Variants in CSMD3 observed in about 807,000 individuals in gnomAD.
CSMD3 encodes CUB and sushi domain-containing protein 3.
In CSMD3, 177 loss-of-function variants were observed where a neutral mutation model predicts 435.2. That is an observed-to-expected ratio of 0.41 (90% confidence interval 0.36 to 0.46). CSMD3 has a LOEUF of 0.46. CSMD3 is among the 20% of genes least tolerant of loss of function. The pLI, the probability that CSMD3 is intolerant of heterozygous loss-of-function variation, is 0.34. For synonymous variants in CSMD3, 1,656 were observed against 1,520.5 expected (o/e 1.09, Z -2.07); for missense variants, 4,265 against 4,504.6 (o/e 0.95, Z 1.52).
chr8:112,410,835 C>A (rs1238162128), intron 32 of CSMD3, among the ~76,000 whole-genome samples: 1 of 148,636 alleles, frequency 6.7e-6, no homozygotes, highest in South Asian at 2.1e-4. Flanking sequence ...CATTGCCTTA[C>A]AAAGTAGCCG....
At chr8:113,224,306 T>C (rs539082078) in intron 3 of CSMD3, among the ~76,000 whole-genome samples, 128 of 151,338 alleles carry the variant, frequency 8.5e-4, no homozygotes, top group African/African-American at 2.9e-3. Context: ...CTCCTGTCTC[T>C]ATTTTGCTTC....
intron 6 of CSMD3, among the ~76,000 whole-genome samples, chr8:112,988,954 T>C (rs1464949510): frequency 6.6e-6 from 1 of 152,048 alleles, no homozygotes; most frequent in Non-Finnish European, 1.5e-5. Flanking sequence ...ATAAGTTGAT[T>C]TAAGTAATTC....
intron 47 of CSMD3, among the ~76,000 whole-genome samples, chr8:112,316,308 G>A (rs1336366808): frequency 1.3e-5 from 2 of 151,362 alleles, no homozygotes; most frequent in African/African-American, 4.8e-5. Context: ...TTGCATAAAT[G>A]GTATCAGGTC....
intron 47 of CSMD3, among the ~76,000 whole-genome samples, chr8:112,316,613 T>C (rs1391936212): frequency 2.0e-5 from 3 of 151,796 alleles, no homozygotes; most frequent in Admixed American, 2.0e-4. Flanking sequence ...TGTTAGGCAC[T>C]GTTAAACACC....
chr8:112,424,244 T>C (rs763158602), intron 32 of CSMD3, among the ~76,000 whole-genome samples: 42 of 152,148 alleles, frequency 2.8e-4, no homozygotes, highest in Non-Finnish European at 5.4e-4. Context: ...TAAGATATGA[T>C]TGCAAAAAAC....
intron 42 of CSMD3, among the ~76,000 whole-genome samples, chr8:112,340,480 G>C (rs1301014537): frequency 6.6e-6 from 1 of 151,996 alleles, no homozygotes; most frequent in Non-Finnish European, 1.5e-5. Flanking sequence ...TATTTATTGT[G>C]CTTACTGCTC....
At chr8:112,282,363 A>C (rs1818740206) in intron 58 of CSMD3, among the ~76,000 whole-genome samples, 2 of 152,054 alleles carry the variant, frequency 1.3e-5, no homozygotes, top group East Asian at 3.9e-4. Context: ...GATAAAACAG[A>C]CATTTTTACT....
chr8:112,338,274 C>T (rs1195184103), intron 42 of CSMD3, among the ~76,000 whole-genome samples: 1 of 152,010 alleles, frequency 6.6e-6, no homozygotes, highest in Non-Finnish European at 1.5e-5. Context: ...GAACTTTGTA[C>T]TTCAGTTATG....
intron 63 of CSMD3, among the ~76,000 whole-genome samples, chr8:112,247,736 G>C (rs1357192530): frequency 6.6e-6 from 1 of 152,016 alleles, no homozygotes; most frequent in African/African-American, 2.4e-5. Flanking sequence ...ATGTCTCCTA[G>C]GAATTTGTTA....
At chr8:112,302,490 C>T (rs542768236) in intron 52 of CSMD3, among the ~76,000 whole-genome samples, 1 of 152,128 alleles carries the variant, frequency 6.6e-6, no homozygotes, top group South Asian at 2.1e-4. Flanking sequence ...TATAATTCAT[C>T]TGTTTTTTCT....
intron 35 of CSMD3, among the ~76,000 whole-genome samples, chr8:112,392,892 C>G (rs1830559066): frequency 8.0e-6 from 1 of 125,776 alleles, no homozygotes; most frequent in African/African-American, 3.2e-5. Flanking sequence ...TTGAAACAAG[C>G]TCTGGCTTTG....
At chr8:112,405,044 G>T (rs28661390) in intron 35 of CSMD3, among the ~76,000 whole-genome samples, 1 of 149,428 alleles carries the variant, frequency 6.7e-6, no homozygotes, top group East Asian at 2.0e-4. Context: ...AAAATTAGCT[G>T]GGCATGGTAG....
intron 32 of CSMD3, among the ~76,000 whole-genome samples, chr8:112,413,315 A>G (rs1811553804): frequency 6.6e-6 from 1 of 152,190 alleles, no homozygotes; most frequent in African/African-American, 2.4e-5. Context: ...TAAGATTGAG[A>G]GGTAGGGTTC....
intron 5 of CSMD3, among the ~76,000 whole-genome samples, chr8:113,070,847 T>C (rs988253193): frequency 1.3e-5 from 2 of 152,070 alleles, no homozygotes; most frequent in Admixed American, 6.6e-5. Flanking sequence ...AGATGTGAGA[T>C]TGCTGGATCA....
intron 4 of CSMD3, among the ~76,000 whole-genome samples, chr8:113,127,214 A>C (rs2091159156): frequency 6.6e-6 from 1 of 152,060 alleles, no homozygotes; most frequent in Non-Finnish European, 1.5e-5. Context: ...ATTGCGAATG[A>C]AGAATAATTC....
chr8:113,226,564 G>C (rs2093031367), intron 3 of CSMD3, among the ~76,000 whole-genome samples: 1 of 151,470 alleles, frequency 6.6e-6, no homozygotes, highest in Non-Finnish European at 1.5e-5. Context: ...TGAATGACTT[G>C]TCCAGCCAGT....
chr8:112,441,865 A>T (rs1815060932), intron 32 of CSMD3, among the ~76,000 whole-genome samples: 1 of 152,184 alleles, frequency 6.6e-6, no homozygotes, highest in African/African-American at 2.4e-5. Context: ...ACCTGTGGGT[A>T]TTACAATTCA....
chr8:113,236,723 T>C (rs1027720658), intron 3 of CSMD3, among the ~76,000 whole-genome samples: 1 of 152,092 alleles, frequency 6.6e-6, no homozygotes, highest in African/African-American at 2.4e-5. Context: ...ACAATCAGCA[T>C]CCCAGCTTGC....
chr8:113,316,943 G>C (rs968016755), intron 1 of CSMD3, among the ~76,000 whole-genome samples: 2 of 152,066 alleles, frequency 1.3e-5, no homozygotes. Flanking sequence ...CCTATCCTCT[G>C]AGCAAAATTT....
Sources: gnomAD v4.1 joint callset for allele counts (sites outside exome capture counted in the v4.1 genomes callset) on GRCh38, gnomAD v4.1.1 for gene constraint, MANE v1.5 for transcripts, NCBI Gene and HGNC (gene_info 2026-07-23, HGNC 2026-07-21) for gene names.